Variants in EML5 observed in about 807,000 individuals in gnomAD.
The protein encoded by EML5 is echinoderm microtubule-associated protein-like 5.
In EML5, 120 loss-of-function variants were observed where a neutral mutation model predicts 250.0. The observed-to-expected ratio is 0.48, with a 90% CI of 0.41 to 0.56. The LOEUF (loss-of-function observed/expected upper bound fraction) is 0.56. Ranked by LOEUF, EML5 falls within the 20% of genes least tolerant of loss-of-function variation. The pLI is 0.00. For missense variants in EML5, 2,006 were observed against 2,437.6 expected (o/e 0.82, Z 3.73); for synonymous variants, 771 against 806.5 (o/e 0.96, Z 0.75).
chr14:88,784,890 T>A (rs2094534979), intron 1 of EML5, among the ~76,000 whole-genome samples: 1 of 152,188 alleles, frequency 6.6e-6, no homozygotes, highest in Non-Finnish European at 1.5e-5. Flanking sequence ...ATATCTACAC[T>A]CCAATGTTTG....
chr14:88,696,972 G>A lies in EML5; in HGVS notation c.2239-20C>T, dbSNP rs1412407055. On this transcript the variant is annotated intron_variant, in intron 14 of 43. Coordinates refer to ENST00000554922, the MANE Select transcript of EML5 (RefSeq NM_183387.3). ...ACCAACCTAAAATAGAATTATAGAAGCTATTAAATACAATTAAATTATTTA... is the reference window on the plus strand; with the variant it reads ...ACCAACCTAAAATAGAATTATAGAAACTATTAAATACAATTAAATTATTTA... 2 of 1,439,394 alleles carry A rather than the reference G, an allele frequency of 1.4e-6. No homozygotes were observed. The highest frequency in any genetic ancestry group is 1.4e-5 in the South Asian group (1 of 72,322). The allele number at this position is 1,439,394 out of a possible 1,614,324, so 89.2% of individuals were successfully genotyped here.
intron 1 of EML5, among the ~76,000 whole-genome samples, chr14:88,764,987 T>C (rs1044308872): frequency 1.3e-5 from 2 of 152,210 alleles, no homozygotes; most frequent in African/African-American, 4.8e-5. Flanking sequence ...GACTAGCTCA[T>C]GCTGTTTTCT....
At chr14:88,654,168 C>T (rs939874759) in intron 27 of EML5, among the ~76,000 whole-genome samples, 17 of 151,964 alleles carry the variant, frequency 1.1e-4, no homozygotes, top group Admixed American at 9.8e-4. Flanking sequence ...TGATTTTTCT[C>T]TCTTTTCTTC....
intron 21 of EML5, among the ~76,000 whole-genome samples, chr14:88,668,144 T>A (rs1039513545): frequency 6.6e-6 from 1 of 152,236 alleles, no homozygotes; most frequent in Admixed American, 6.5e-5. Context: ...CTCTAAGGCT[T>A]TTTCAGTAGG....
intron 9 of EML5, among the ~76,000 whole-genome samples, chr14:88,713,962 C>T (rs368748945): frequency 2.3e-4 from 35 of 151,760 alleles, no homozygotes; most frequent in East Asian, 1.4e-3. Flanking sequence ...CCCGACCTCC[C>T]GAATAGCTGG....
intron 21 of EML5, among the ~76,000 whole-genome samples, chr14:88,669,002 AGGTG>A (rs1027277349): frequency 6.6e-5 from 10 of 151,994 alleles, no homozygotes; most frequent in Non-Finnish European, 1.5e-4. Flanking sequence ...GGGACTGACA[AGGTG>A]GTTGGCATGA....
At position 88,638,921 on chromosome 14, in the gene EML5, T is replaced by C. The variant is rs751587108; in HGVS notation, c.4238-14A>G. The C allele has an allele frequency of 2.5e-5, 39 of 1,542,872 alleles. No homozygotes were observed. Among genetic ancestry groups the C allele is most frequent in the Non-Finnish European group, 3.1e-5 (36 of 1,144,910 alleles). ...AACTCTGAGAACCTACAAAAAAGAATTTGAGAATTAAGTTTGAAAATTTTA... is the reference window on the plus strand; with the variant it reads ...AACTCTGAGAACCTACAAAAAAGAACTTGAGAATTAAGTTTGAAAATTTTA... On this transcript the variant is annotated splice_polypyrimidine_tract_variant and intron_variant, in intron 31 of 43. Transcript: ENST00000554922.
rs865807326 is a variant in EML5, at chr14:88,732,393, T to C, written c.1049+3971A>G. ...ACGGTTGTAGATGTGTGGTATTATT[T>C]CTGAGGGCTCTGTTCTGTTCCATTG... On this transcript the variant is annotated intron_variant, in intron 7 of 43. Coordinates refer to ENST00000554922, the MANE Select transcript of EML5 (RefSeq NM_183387.3). Among the ~76,000 whole-genome samples the C allele has an allele frequency of 3.3e-5, 5 of 152,336 alleles. No homozygotes were observed. In the South Asian group the frequency reaches 8.3e-4, roughly 25 times the overall value.
chr14:88,675,520 G>C (rs2092574451), intron 21 of EML5, among the ~76,000 whole-genome samples: 1 of 152,200 alleles, frequency 6.6e-6, no homozygotes, highest in African/African-American at 2.4e-5. Context: ...AGGGGCCCGT[G>C]GCCTGGCCCA....
chr14:88,736,603 T>C (rs776719641), intron 6 of EML5, 38 bp from the exon 7 acceptor site: 1 of 1,581,064 alleles, frequency 6.3e-7, no homozygotes, highest in South Asian at 1.1e-5. Flanking sequence ...TATAATGCTG[T>C]AATAATGATA....
Position 88,620,747 on chromosome 14 carries a change from CACTA to C in EML5, c.5375+3_5375+6del. 1 of 1,573,220 alleles carries C rather than the reference CACTA, an allele frequency of 6.4e-7. No individual in the cohort carries two copies. The highest frequency in any genetic ancestry group is 8.6e-7 in the Non-Finnish European group (1 of 1,165,214). ...TACTAGAAACTCTATTCCATTTGTT[CACTA>C]ACCTGATATCATGGATTGCACATCT... On this transcript the variant is annotated splice_donor_5th_base_variant and intron_variant, in intron 39 of 43. Coordinates refer to ENST00000554922, the MANE Select transcript of EML5 (RefSeq NM_183387.3). This position sits in a 1 kb window ranked among gnomAD's most constrained non-coding sequence, Gnocchi z 4.3.
At chr14:88,762,913 C>T (rs183057541) in intron 1 of EML5, among the ~76,000 whole-genome samples, 11 of 152,270 alleles carry the variant, frequency 7.2e-5, no homozygotes, top group Non-Finnish European at 1.5e-5. Flanking sequence ...TGAGTGACTA[C>T]TGGGTAAATA....
rs1397668707 is a variant in EML5 at position 88,616,707 on chromosome 14, A to G, written c.5796+19T>C. ...AAATTAGGAGTAAACTGATAATAGT[A>G]AACAAAACACAAACTTACAAATTTT... On this transcript the variant is annotated intron_variant, in intron 42 of 43. Coordinates refer to ENST00000554922, the MANE Select transcript of EML5 (RefSeq NM_183387.3). 3.1e-6 allele frequency: 5 copies of G among 1,605,496 alleles called. No individual in the cohort carries two copies. The South Asian group carries it at 4.5e-5, about 14-fold the overall frequency.
At chr14:88,670,569 T>C (rs905786143) in intron 21 of EML5, among the ~76,000 whole-genome samples, 1 of 152,008 alleles carries the variant, frequency 6.6e-6, no homozygotes, top group Non-Finnish European at 1.5e-5. Context: ...AAGGCTGAGA[T>C]GGATGAATTG....
intron 22 of EML5, among the ~76,000 whole-genome samples, 182 bp from the exon 23 acceptor site, chr14:88,664,806 A>G (rs1013214834): frequency 1.3e-5 from 2 of 152,228 alleles, no homozygotes; most frequent in African/African-American, 2.4e-5. Context: ...ACTTAACAAA[A>G]TAATTTTTTA....
At chr14:88,632,900 T>A (rs2090517655) in intron 33 of EML5, among the ~76,000 whole-genome samples, 1 of 152,214 alleles carries the variant, frequency 6.6e-6, no homozygotes, top group Non-Finnish European at 1.5e-5. Context: ...TGGATTTGAC[T>A]GCTGGAGGAA....
At chr14:88,693,142 T>C (rs561476297) in intron 17 of EML5, among the ~76,000 whole-genome samples, 128 of 152,338 alleles carry the variant, frequency 8.4e-4, no homozygotes, top group Middle Eastern at 3.4e-3. Flanking sequence ...GTTTAGACTA[T>C]AGAACATGTC....
intron 31 of EML5, among the ~76,000 whole-genome samples, chr14:88,640,869 A>G: frequency 6.6e-6 from 1 of 152,078 alleles, no homozygotes; most frequent in East Asian, 1.9e-4. Context: ...AATGACAAAG[A>G]TCACATTACA....
chr14:88,642,544 C>T (rs1253492790), intron 31 of EML5, among the ~76,000 whole-genome samples: 1 of 152,120 alleles, frequency 6.6e-6, no homozygotes, highest in Non-Finnish European at 1.5e-5. Flanking sequence ...AAACCACCAT[C>T]CAAACCATCT....
Sources: allele counts gnomAD v4.1 joint callset (sites outside exome capture counted in the v4.1 genomes callset), GRCh38; gene constraint gnomAD v4.1.1; non-coding constraint Gnocchi (gnomAD v3.1); transcripts MANE v1.5; gene names NCBI Gene and HGNC (gene_info 2026-07-23, HGNC 2026-07-21).